Variants in SLCO3A1 observed in about 807,000 individuals in gnomAD.
The protein encoded by SLCO3A1 is solute carrier organic anion transporter family member 3A1.
Under a neutral mutation model 63.1 loss-of-function variants are expected in SLCO3A1, and 27 were observed. The ratio of observed to expected loss-of-function variants is 0.43; its 90% confidence interval spans 0.32 to 0.59. The LOEUF is 0.59. SLCO3A1 is among the 20% of genes least tolerant of loss of function. SLCO3A1 has a pLI of 0.09. For synonymous variants in SLCO3A1, 473 were observed against 409.9 expected (o/e 1.15, Z -1.86); for missense variants, 773 against 945.8 (o/e 0.82, Z 2.40).
chr15:92,171,589 T>C (rs1281842121), intron 10 of SLCO3A1: 2 of 544,702 alleles, frequency 3.7e-6, no homozygotes, highest in African/African-American at 1.9e-5. Context: ...TTCAAAAAAG[T>C]CTCTGGGCTC....
intron 2 of SLCO3A1, among the ~76,000 whole-genome samples, chr15:92,044,097 G>C (rs535966654): frequency 6.6e-6 from 1 of 152,060 alleles, no homozygotes; most frequent in South Asian, 2.1e-4. Flanking sequence ...ACCATTATAC[G>C]AATTCTTAGG....
chr15:91,999,967 T>C (rs918052980), intron 2 of SLCO3A1, among the ~76,000 whole-genome samples: 2 of 152,166 alleles, frequency 1.3e-5, no homozygotes, highest in Admixed American at 6.5e-5. Flanking sequence ...TAAATGTCCA[T>C]CAGGAAGAGA....
At chr15:92,026,115 C>A (rs2046571198) in intron 2 of SLCO3A1, among the ~76,000 whole-genome samples, 1 of 152,154 alleles carries the variant, frequency 6.6e-6, no homozygotes. Context: ...CGTGTCCATG[C>A]CCTTGTCCAC....
chr15:92,144,167 T>G (rs1351370668), intron 7 of SLCO3A1, among the ~76,000 whole-genome samples: 2 of 152,366 alleles, frequency 1.3e-5, no homozygotes, highest in East Asian at 3.9e-4. Flanking sequence ...CTCTTTACCC[T>G]TCACAGTTCC....
In SLCO3A1 at chr15:91,987,382, C is replaced by A. The variant is rs570073660; in HGVS notation, c.646+70924C>A. On this transcript the variant is annotated intron_variant, in intron 2 of 9. Coordinates refer to ENST00000318445, the MANE Select transcript of SLCO3A1 (RefSeq NM_013272.4). Reference sequence around the variant, plus strand: ...AGTGATGTATTATGCTCTGGGGATACAACGGTGAACAAGACAAAGTTCTTG... The same window carrying A: ...AGTGATGTATTATGCTCTGGGGATAAAACGGTGAACAAGACAAAGTTCTTG... Among the ~76,000 whole-genome samples, 5 of 152,212 alleles carry A rather than the reference C, an allele frequency of 3.3e-5. No homozygotes were observed. In the South Asian group the frequency reaches 1.0e-3, roughly 32 times the overall value.
In SLCO3A1 at chr15:91,950,344, G is replaced by A. The variant is rs1046129006; in HGVS notation, c.646+33886G>A. 7.2e-5 allele frequency among the ~76,000 whole-genome samples: 11 copies of A among 152,210 alleles called. No homozygotes were observed. Among genetic ancestry groups the A allele is most frequent in the African/African-American group, 2.4e-4 (10 of 41,458 alleles). Reference sequence around the variant, plus strand: ...GTGAAGACAGCCAGTCGTGTTGCACGTGGGACAGGGGCCCTGGCTGGGCAG... The same window carrying A: ...GTGAAGACAGCCAGTCGTGTTGCACATGGGACAGGGGCCCTGGCTGGGCAG... On this transcript the variant is annotated intron_variant, in intron 2 of 9. Coordinates refer to ENST00000318445, the MANE Select transcript of SLCO3A1 (RefSeq NM_013272.4). The surrounding 1 kb of genome is among the most constrained non-coding windows in gnomAD (Gnocchi z 4.4).
intron 4 of SLCO3A1, among the ~76,000 whole-genome samples, chr15:92,109,833 C>T (rs905760404): frequency 1.8e-4 from 28 of 152,096 alleles, no homozygotes; most frequent in African/African-American, 6.8e-4. Context: ...TACCTCTGTC[C>T]TGATCAGGGA....
intron 2 of SLCO3A1, among the ~76,000 whole-genome samples, chr15:92,054,073 C>T (rs2046993285): frequency 6.6e-6 from 1 of 152,182 alleles, no homozygotes; most frequent in African/African-American, 2.4e-5. Flanking sequence ...GCATGGAAAT[C>T]TATATTTTGA....
intron 1 of SLCO3A1, chr15:91,889,139 C>A: frequency 7.8e-7 from 1 of 1,274,066 alleles, no homozygotes; most frequent in Admixed American, 2.4e-5. Context: ...GGATGGTTTT[C>A]TGCATAAACT....
intron 9 of SLCO3A1, among the ~76,000 whole-genome samples, chr15:92,159,567 GTTT>G (rs11455940): frequency 2.2e-5 from 3 of 137,858 alleles, no homozygotes; most frequent in Non-Finnish European, 4.6e-5. Context: ...ACTTTGGTAG[GTTT>G]TTTTTTTTTT....
intron 1 of SLCO3A1, among the ~76,000 whole-genome samples, chr15:91,902,257 C>T (rs566125375): frequency 9.9e-5 from 15 of 152,152 alleles, no homozygotes; most frequent in African/African-American, 3.4e-4. Flanking sequence ...AGTGCAGTGA[C>T]ATGATCATAG....
At chr15:92,156,160 G>A (rs1443089223) in intron 9 of SLCO3A1, among the ~76,000 whole-genome samples, 3 of 152,166 alleles carry the variant, frequency 2.0e-5, no homozygotes, top group Non-Finnish European at 2.9e-5. Flanking sequence ...ATAGGCAAGT[G>A]GAAAAATGAA....
chr15:91,986,720 C>T (rs1398173680), intron 2 of SLCO3A1, among the ~76,000 whole-genome samples: 3 of 152,046 alleles, frequency 2.0e-5, no homozygotes, highest in East Asian at 1.9e-4. Flanking sequence ...GCCTTTGGTG[C>T]GAAATGAAGT....
At position 91,931,821 on chromosome 15, in the gene SLCO3A1, A is replaced by ACACACACACT. The variant is rs1323570307; in HGVS notation, c.646+15364_646+15365insACACACACTC. On this transcript the variant is annotated intron_variant, in intron 2 of 9. Coordinates refer to ENST00000318445, the MANE Select transcript of SLCO3A1 (RefSeq NM_013272.4). ...CACACGCACACACACACACACACAC[A>ACACACACACT]CTCACACAGGAGTAGATGAAGGGAA... 1.2e-3 allele frequency among the ~76,000 whole-genome samples: 181 copies of ACACACACACT among 151,370 alleles called. 4 individuals carry two copies. The highest frequency in any genetic ancestry group is 4.2e-3 in the African/African-American group (174 of 41,058).
chr15:92,058,166 AGT>A (rs71942012), intron 2 of SLCO3A1, among the ~76,000 whole-genome samples: 4,563 of 150,698 alleles, frequency 0.03, 211 homozygotes, highest in African/African-American at 0.1. Flanking sequence ...AGAGTGTGTG[AGT>A]GTGTGTGTGT....
At chr15:91,881,280 G>T (rs1897577805) in intron 1 of SLCO3A1, among the ~76,000 whole-genome samples, 1 of 142,812 alleles carries the variant, frequency 7.0e-6, no homozygotes, top group African/African-American at 2.5e-5. Flanking sequence ...TTCGAAAAGT[G>T]TTCCCCCACC....
At chr15:92,100,038 C>T (rs1045292393) in intron 3 of SLCO3A1, among the ~76,000 whole-genome samples, 1 of 150,820 alleles carries the variant, frequency 6.6e-6, no homozygotes, top group Non-Finnish European at 1.5e-5. Context: ...TGCACTACAG[C>T]CTGGGCAATA....
chr15:92,034,084 A>C (rs183101792), intron 2 of SLCO3A1, among the ~76,000 whole-genome samples: 1 of 147,096 alleles, frequency 6.8e-6, no homozygotes, highest in East Asian at 1.9e-4. Context: ...CAGAGAAGCG[A>C]CATGGTCTGA....
rs1259751054 is a variant in SLCO3A1, at chr15:91,900,876, C to G, written c.181-15117C>G. ...TTTGTTCAAATCATCTTTATCCTTACTGATTTTCTGTCTCATTGTTTTATC... is the reference window on the plus strand; with the variant it reads ...TTTGTTCAAATCATCTTTATCCTTAGTGATTTTCTGTCTCATTGTTTTATC... On this transcript the variant is annotated intron_variant, in intron 1 of 9. Coordinates refer to ENST00000318445, the MANE Select transcript of SLCO3A1 (RefSeq NM_013272.4). This position sits in a 1 kb window ranked among gnomAD's most constrained non-coding sequence, Gnocchi z 4.3. Among the ~76,000 whole-genome samples, 1 of 152,126 alleles carries G rather than the reference C, an allele frequency of 6.6e-6. No individual in the cohort carries two copies. Among genetic ancestry groups the G allele is most frequent in the Non-Finnish European group, 1.5e-5 (1 of 68,008 alleles).
Sources: gnomAD v4.1 joint callset for allele counts (sites outside exome capture counted in the v4.1 genomes callset) on GRCh38, gnomAD v4.1.1 for gene constraint, Gnocchi (gnomAD v3.1) non-coding constraint, MANE v1.5 for transcripts, NCBI Gene and HGNC (gene_info 2026-07-23, HGNC 2026-07-21) for gene names.